The following BAZ2B variants were observed in gnomAD, a reference collection of about 807,000 sequenced individuals.
BAZ2B encodes the protein bromodomain adjacent to zinc finger domain 2B.
In BAZ2B, 91 loss-of-function variants were observed where a neutral mutation model predicts 246.0. The observed-to-expected ratio is 0.37, with a 90% CI of 0.31 to 0.44. The LOEUF is 0.44. Among genes scored for constraint, BAZ2B ranks in the 20% least tolerant of loss-of-function variants. BAZ2B has a pLI of 1.00. For synonymous variants in BAZ2B, 855 were observed against 860.0 expected (o/e 0.99, Z 0.10); for missense variants, 2,332 against 2,533.7 (o/e 0.92, Z 1.71).
At chr2:159,467,559 C>T (rs373281087) in intron 3 of BAZ2B, among the ~76,000 whole-genome samples, 22 of 152,320 alleles carry the variant, frequency 1.4e-4, no homozygotes, top group African/African-American at 5.3e-4. Context: ...CATTCCTTAA[C>T]CAATCATTCT....
the BAZ2B span, among the ~76,000 whole-genome samples, chr2:159,709,590 CAAT>C: frequency 6.6e-6 from 1 of 152,062 alleles, no homozygotes; most frequent in African/African-American, 2.4e-5. Flanking sequence ...TATTATGTAT[CAAT>C]AAAAAATTAT....
chr2:159,657,762 C>T, the BAZ2B span, among the ~76,000 whole-genome samples: 1 of 152,178 alleles, frequency 6.6e-6, no homozygotes, highest in Non-Finnish European at 1.5e-5. Flanking sequence ...TCAAATTGCT[C>T]ATTGCTGGAA....
chr2:159,503,661 C>A (rs1160481455), intron 2 of BAZ2B, among the ~76,000 whole-genome samples: 1 of 151,880 alleles, frequency 6.6e-6, no homozygotes, highest in Non-Finnish European at 1.5e-5. Flanking sequence ...CTCACTGCAA[C>A]CTCCCCCTCC....
chr2:159,614,876 G>T (rs761783410), intron 1 of BAZ2B, among the ~76,000 whole-genome samples: 8 of 152,148 alleles, frequency 5.3e-5, no homozygotes, highest in Non-Finnish European at 1.0e-4. Context: ...AAGTTTACAT[G>T]ACGTCACTGG....
chr2:159,564,261 T>C (rs563249687), intron 1 of BAZ2B, among the ~76,000 whole-genome samples: 2 of 148,870 alleles, frequency 1.3e-5, no homozygotes, highest in East Asian at 3.9e-4. Context: ...TGCCCAGGGC[T>C]AGTGCAGAGT....
downstream of BAZ2B, among the ~76,000 whole-genome samples, chr2:159,317,859 C>G (rs563855175): frequency 7.2e-5 from 11 of 152,122 alleles, no homozygotes; most frequent in African/African-American, 2.2e-4. Flanking sequence ...AACAAGTGAT[C>G]CACGTATGTA....
chr2:159,538,196 C>T (rs1328249265), intron 2 of BAZ2B, among the ~76,000 whole-genome samples: 1 of 152,100 alleles, frequency 6.6e-6, no homozygotes, highest in Non-Finnish European at 1.5e-5. Context: ...AGGGCTTTCA[C>T]CATGTTGCCC....
At chr2:159,527,066 T>G (rs530849161) in intron 2 of BAZ2B, among the ~76,000 whole-genome samples, 39 of 152,204 alleles carry the variant, frequency 2.6e-4, no homozygotes, top group African/African-American at 9.1e-4. Context: ...CAATTCATAT[T>G]GTCGCTATTT....
intron 14 of BAZ2B, among the ~76,000 whole-genome samples, chr2:159,411,409 A>G (rs1325142902): frequency 6.6e-6 from 1 of 152,212 alleles, no homozygotes; most frequent in Non-Finnish European, 1.5e-5. Context: ...TTTACAATGA[A>G]TAGAATTAAG....
intron 6 of BAZ2B, 125 bp from the exon 7 acceptor site, chr2:159,439,337 G>T: frequency 1.2e-6 from 1 of 829,406 alleles, no homozygotes; most frequent in Non-Finnish European, 1.9e-6. Flanking sequence ...GTAGGAAAAA[G>T]TCACATATCG....
chr2:159,412,601 A>G, intron 13 of BAZ2B, 56 bp from the exon 14 acceptor site: 4 of 1,476,838 alleles, frequency 2.7e-6, no homozygotes, highest in Non-Finnish European at 2.8e-6. Context: ...AACACAAGAG[A>G]TCAACATGTA....
chr2:159,612,317 G>A (rs1694879468), intron 1 of BAZ2B, among the ~76,000 whole-genome samples: 2 of 151,600 alleles, frequency 1.3e-5, no homozygotes, highest in African/African-American at 4.8e-5. Flanking sequence ...AAAACTTCAT[G>A]GTAAAAAATA....
At chr2:159,403,790 C>CT (rs1358198465) in intron 16 of BAZ2B, among the ~76,000 whole-genome samples, 5 of 152,062 alleles carry the variant, frequency 3.3e-5, no homozygotes, top group African/African-American at 1.2e-4. Flanking sequence ...GCAGTAGGCA[C>CT]TTTATGTTCA....
chr2:159,364,533 T>C (rs975099757), intron 27 of BAZ2B, among the ~76,000 whole-genome samples: 19 of 152,132 alleles, frequency 1.2e-4, no homozygotes, highest in Non-Finnish European at 2.5e-4. Flanking sequence ...GCTGGAAGTA[T>C]ACCTGGCTAA....
the BAZ2B span, among the ~76,000 whole-genome samples, chr2:159,675,259 A>T: frequency 6.6e-6 from 1 of 152,130 alleles, no homozygotes; most frequent in Admixed American, 6.5e-5. Flanking sequence ...AAAATTTTTT[A>T]AAGTTATCAA....
chr2:159,336,975 T>A lies in BAZ2B; in HGVS notation c.5763A>T (p.Lys1921Asn), dbSNP rs764634991. 3 of 1,609,318 alleles carry A rather than the reference T, an allele frequency of 1.9e-6. No individual in the cohort carries two copies. In the African/African-American group the frequency reaches 4.0e-5, roughly 22 times the overall value. Reference sequence around the variant, plus strand: ...TAATTGATTTTTCCCATGCTATTGATTTCTGTAATTGCTGAATGCACAGAG... The same window carrying A: ...TAATTGATTTTTCCCATGCTATTGAATTCTGTAATTGCTGAATGCACAGAG... ...QVALCIQQLQ[K>N]SIAWEKSIMK... The change falls in exon 33 of 37, where the codon AAA becomes AAT. Residue 1921 changes from lysine to asparagine, a missense_variant. This residue lies in a region of BAZ2B where 53 missense variants were observed against 62.0 expected (regional missense o/e 0.86). Transcript: ENST00000392783.
intron 2 of BAZ2B, among the ~76,000 whole-genome samples, chr2:159,541,263 T>C (rs2086628378): frequency 4.1e-5 from 1 of 24,346 alleles, no homozygotes; most frequent in Non-Finnish European, 7.2e-5. Flanking sequence ...AAAGCCCTTA[T>C]TATTATTATT....
chr2:159,577,505 G>GA (rs1217809258), intron 1 of BAZ2B, among the ~76,000 whole-genome samples: 10 of 152,020 alleles, frequency 6.6e-5, no homozygotes, highest in Non-Finnish European at 1.5e-5. Flanking sequence ...AAATAAATTT[G>GA]AAAAACAAAG....
At chr2:159,426,017 A>T (rs959616047) in intron 13 of BAZ2B, among the ~76,000 whole-genome samples, 1 of 152,180 alleles carries the variant, frequency 6.6e-6, no homozygotes, top group Non-Finnish European at 1.5e-5. Context: ...ATTCCTGTGT[A>T]CTAATTTTGG....
Sources: allele counts gnomAD v4.1 joint callset (sites outside exome capture counted in the v4.1 genomes callset), GRCh38; gene constraint gnomAD v4.1.1; regional missense constraint gnomAD v4.1.1; transcripts MANE v1.5; gene names NCBI Gene and HGNC (gene_info 2026-07-23, HGNC 2026-07-21).